Variants in SLC44A1 observed in about 807,000 individuals in gnomAD.
SLC44A1 encodes solute carrier family 44 member 1, also known as choline transporter-like protein 1.
SLC44A1 carries 26 observed loss-of-function variants against 79.3 expected under a neutral mutation model. The ratio of observed to expected loss-of-function variants is 0.33; its 90% CI spans 0.24 to 0.46. The LOEUF (loss-of-function observed/expected upper bound fraction) is 0.46. SLC44A1 is among the 20% of genes least tolerant of loss of function. SLC44A1 has a pLI of 1.00. For synonymous variants in SLC44A1, 263 were observed against 286.2 expected, an observed-to-expected ratio of 0.92 and a Z score of 0.82; for missense variants, 688 against 798.1, an observed-to-expected ratio of 0.86 and a Z score of 1.66.
At chr9:105,353,898 A>G (rs1328545566) in intron 5 of SLC44A1, among the ~76,000 whole-genome samples, 1 of 152,108 alleles carries the variant, frequency 6.6e-6, no homozygotes, top group Non-Finnish European at 1.5e-5. Flanking sequence ...TATGGTTAGA[A>G]GAGTCCTTAG....
intron 1 of SLC44A1, among the ~76,000 whole-genome samples, chr9:105,267,244 A>G (rs1829982736): frequency 6.6e-6 from 1 of 152,168 alleles, no homozygotes; most frequent in African/African-American, 2.4e-5. Context: ...GAAGTCTGCT[A>G]TTCTGATTCT....
chr9:105,394,159 C>A lies in SLC44A1; in HGVS notation c.*5103C>A, dbSNP rs189478734. On this transcript the variant is annotated 3_prime_UTR_variant, in exon 16 of 16. Transcript: ENST00000374720. Reference sequence around the variant, plus strand: ...CTGTACCCCCTCAGGGGCTAATGAACCCAAGTCAAAAGGCTGCTCTAAAGT... The same window carrying A: ...CTGTACCCCCTCAGGGGCTAATGAAACCAAGTCAAAAGGCTGCTCTAAAGT... The A allele has an allele frequency of 7.0e-5, 69 of 985,346 alleles. No homozygotes were observed. The African/African-American group carries it at 1.2e-3, about 17-fold the overall frequency. The allele number at this position is 985,346 out of a possible 1,614,324, so 61.0% of individuals were successfully genotyped here.
intron 1 of SLC44A1, among the ~76,000 whole-genome samples, chr9:105,295,542 T>C (rs892565989): frequency 1.3e-5 from 2 of 152,260 alleles, no homozygotes; most frequent in African/African-American, 4.8e-5. Flanking sequence ...TTAAAAATTT[T>C]CAACTCTTCG....
At chr9:105,378,272 A>G (rs1015169683) in intron 13 of SLC44A1, among the ~76,000 whole-genome samples, 1 of 152,180 alleles carries the variant, frequency 6.6e-6, no homozygotes, top group Admixed American at 6.6e-5. Flanking sequence ...AAAGAAACCT[A>G]GTAGAGAAGG....
At chr9:105,321,379 G>T (rs1375944395) in intron 3 of SLC44A1, among the ~76,000 whole-genome samples, 1 of 152,036 alleles carries the variant, frequency 6.6e-6, no homozygotes, top group Non-Finnish European at 1.5e-5. Flanking sequence ...TTTGTTATAG[G>T]TTTGATGGCA....
At chr9:105,295,054 C>G (rs1360098422) in intron 1 of SLC44A1, among the ~76,000 whole-genome samples, 2 of 152,026 alleles carry the variant, frequency 1.3e-5, no homozygotes, top group African/African-American at 4.8e-5. Flanking sequence ...ATCCCTGGAT[C>G]CTGTCTTACA....
Position 105,299,253 on chromosome 9 carries a change from C to T in SLC44A1, c.70C>T (p.Arg24Cys), listed in dbSNP as rs759502338. 3.6e-5 allele frequency: 58 copies of T among 1,592,072 alleles called. No individual in the cohort carries two copies. The South Asian group carries it at 4.0e-4, about 11-fold the overall frequency. ...SKREWKPLED[R>C]SCTDIPWLLL... ...ACGAGAATGGAAGCCGCTGGAGGAC[C>T]GTAGCTGCACAGACATACCATGGCT... Residue 24 changes from arginine to cysteine, a missense_variant, in exon 2 of 16, where the codon CGT (arginine) becomes TGT (cysteine). Transcript: ENST00000374720.
chr9:105,314,060 A>G (rs1229504056), intron 3 of SLC44A1, among the ~76,000 whole-genome samples: 2 of 152,090 alleles, frequency 1.3e-5, no homozygotes, highest in African/African-American at 4.8e-5. Flanking sequence ...GACTGCGCCC[A>G]GCCTTATTAC....
chr9:105,354,039 C>G (rs1282718463), intron 5 of SLC44A1, among the ~76,000 whole-genome samples: 1 of 98,484 alleles, frequency 1.0e-5, no homozygotes, highest in African/African-American at 5.1e-5. Context: ...ACAGTTAATC[C>G]TTTTTTTTTT....
chr9:105,303,694 G>T (rs907682203), intron 2 of SLC44A1, among the ~76,000 whole-genome samples: 1 of 152,168 alleles, frequency 6.6e-6, no homozygotes, highest in Admixed American at 6.5e-5. Context: ...GAAGAGAAGA[G>T]GTAGAAGGGG....
intron 1 of SLC44A1, among the ~76,000 whole-genome samples, chr9:105,264,659 T>C (rs1319751332): frequency 1.3e-5 from 2 of 152,220 alleles, no homozygotes; most frequent in Non-Finnish European, 2.9e-5. Context: ...TTGAGTAAGC[T>C]CAGATACCTT....
chr9:105,277,447 G>C (rs1254818980), intron 1 of SLC44A1, among the ~76,000 whole-genome samples: 1 of 152,082 alleles, frequency 6.6e-6, no homozygotes, highest in Non-Finnish European at 1.5e-5. Flanking sequence ...TAGCTAACTG[G>C]GTTTCAAAGA....
chr9:105,248,046 TACA>T (rs910208597), intron 1 of SLC44A1, among the ~76,000 whole-genome samples: 1 of 152,244 alleles, frequency 6.6e-6, no homozygotes, highest in Non-Finnish European at 1.5e-5. Flanking sequence ...GAGCAGTGGC[TACA>T]ACATCTTAAA....
chr9:105,323,531 A>G (rs1215267266), intron 3 of SLC44A1, among the ~76,000 whole-genome samples: 2 of 152,170 alleles, frequency 1.3e-5, no homozygotes, highest in Non-Finnish European at 2.9e-5. Flanking sequence ...TAAATCATGT[A>G]TACTCCTTAG....
intron 15 of SLC44A1, among the ~76,000 whole-genome samples, chr9:105,430,961 C>G (rs746493912): frequency 3.9e-5 from 6 of 152,176 alleles, no homozygotes; most frequent in Non-Finnish European, 8.8e-5. Context: ...TTATAGACAT[C>G]CAGTGAGTGT....
intron 14 of SLC44A1, among the ~76,000 whole-genome samples, chr9:105,384,413 T>G (rs552476434): frequency 6.6e-6 from 1 of 152,132 alleles, no homozygotes; most frequent in African/African-American, 2.4e-5. Context: ...ACTCCTGTCC[T>G]CAGGTGATCT....
At chr9:105,399,259 A>G (rs1030231199), downstream of SLC44A1, among the ~76,000 whole-genome samples, 3 of 152,212 alleles carry the variant, frequency 2.0e-5, no homozygotes, top group Non-Finnish European at 2.9e-5. Context: ...TTCAATAGAA[A>G]ACTTAAAGCA....
At chr9:105,316,901 T>C (rs1831342401) in intron 3 of SLC44A1, among the ~76,000 whole-genome samples, 1 of 152,224 alleles carries the variant, frequency 6.6e-6, no homozygotes, top group Non-Finnish European at 1.5e-5. Context: ...AGCAAATTCA[T>C]TGCTTTTAAC....
At chr9:105,319,020 CA>C (rs1826298657) in intron 3 of SLC44A1, among the ~76,000 whole-genome samples, 1 of 152,144 alleles carries the variant, frequency 6.6e-6, no homozygotes, top group Admixed American at 6.5e-5. Flanking sequence ...AGCTGATAGA[CA>C]ATGACCTTTG....
Sources: allele counts gnomAD v4.1 joint callset (sites outside exome capture counted in the v4.1 genomes callset), GRCh38; gene constraint gnomAD v4.1.1; transcripts MANE v1.5; gene names NCBI Gene and HGNC (gene_info 2026-07-23, HGNC 2026-07-21).